GSK3B: variants seen among roughly 807,000 people sequenced by gnomAD.
GSK3B encodes glycogen synthase kinase-3 beta.
Under a neutral mutation model 56.4 loss-of-function variants are expected in GSK3B, and 15 were observed. The ratio of observed to expected loss-of-function variants is 0.27; its 90% confidence interval spans 0.18 to 0.41. The LOEUF (loss-of-function observed/expected upper bound fraction) is 0.41. Among genes scored for constraint, GSK3B ranks in the 10% least tolerant of loss-of-function variants. The pLI, the probability that GSK3B is intolerant of heterozygous loss-of-function variation, is 1.00. For synonymous variants in GSK3B, 181 were observed against 188.9 expected (o/e 0.96, Z 0.34); for missense variants, 300 against 513.4 (o/e 0.58, Z 4.02).
intron 2 of GSK3B, among the ~76,000 whole-genome samples, chr3:119,994,897 T>C (rs1016349178): frequency 6.6e-6 from 1 of 152,198 alleles, no homozygotes; most frequent in East Asian, 1.9e-4. Context: ...AATAGTATTG[T>C]ATAATTGTTA....
At chr3:120,085,190 G>A (rs979405221) in intron 1 of GSK3B, among the ~76,000 whole-genome samples, 13 of 151,966 alleles carry the variant, frequency 8.6e-5, no homozygotes, top group Non-Finnish European at 1.6e-4. Flanking sequence ...CTGGCACACC[G>A]CACTCAATAA....
intron 5 of GSK3B, among the ~76,000 whole-genome samples, chr3:119,915,499 C>T (rs1214703434): frequency 1.3e-5 from 2 of 151,968 alleles, no homozygotes; most frequent in Non-Finnish European, 2.9e-5. Context: ...GGATTACGTA[C>T]CATTTCAGAA....
chr3:120,002,270 G>C, intron 1 of GSK3B, 31 bp from the exon 2 acceptor site: 1 of 1,368,564 alleles, frequency 7.3e-7, no homozygotes, highest in Middle Eastern at 1.9e-4. Flanking sequence ...TTTTTTTCAC[G>C]AGAACTGTAA....
At chr3:119,888,033 G>T (rs1236076363) in intron 7 of GSK3B, among the ~76,000 whole-genome samples, 1 of 152,016 alleles carries the variant, frequency 6.6e-6, no homozygotes, top group African/African-American at 2.4e-5. Context: ...ACATTTTTAG[G>T]CAAACAAAAG....
chr3:119,980,619 G>A (rs2057451009), intron 2 of GSK3B, among the ~76,000 whole-genome samples: 2 of 152,154 alleles, frequency 1.3e-5, no homozygotes, highest in African/African-American at 4.8e-5. Context: ...CTCCCAAAGT[G>A]CTGGCATTAC....
Position 119,843,372 on chromosome 3 carries a change from C to A in GSK3B, c.1097-19G>T, listed in dbSNP as rs1191979103. On this transcript the variant is annotated intron_variant, in intron 9 of 10. Transcript: ENST00000264235. Reference sequence around the variant, plus strand: ...GACAGTTCTATAGAAGGTTAAGACACAAATGTTAGAGTCCACTCTTAACTT... The same window carrying A: ...GACAGTTCTATAGAAGGTTAAGACAAAAATGTTAGAGTCCACTCTTAACTT... The A allele has an allele frequency of 7.3e-7, 1 of 1,370,616 alleles. No homozygotes were observed. Among genetic ancestry groups the A allele is most frequent in the African/African-American group, 1.4e-5 (1 of 69,866 alleles). 84.9% of individuals were successfully genotyped at this position (1,370,616 alleles called of 1,614,324 possible).
intron 1 of GSK3B, among the ~76,000 whole-genome samples, chr3:120,069,666 A>T (rs1011562781): frequency 2.6e-5 from 1 of 38,988 alleles, no homozygotes; most frequent in Non-Finnish European, 4.0e-5. Flanking sequence ...CAGTTTTTGG[A>T]AAAAAAAAAA....
intron 10 of GSK3B, among the ~76,000 whole-genome samples, chr3:119,830,265 C>T (rs2055577926): frequency 6.6e-6 from 1 of 152,124 alleles, no homozygotes; most frequent in South Asian, 2.1e-4. Flanking sequence ...GATCAGGAAA[C>T]AAGACAACAC....
At chr3:120,089,487 C>G (rs968700089) in intron 1 of GSK3B, among the ~76,000 whole-genome samples, 3 of 152,102 alleles carry the variant, frequency 2.0e-5, no homozygotes, top group African/African-American at 7.2e-5. Flanking sequence ...CAGGGGAATA[C>G]GGAAACTCTA....
chr3:120,021,214 A>C (rs1394622100), intron 1 of GSK3B, among the ~76,000 whole-genome samples: 1 of 152,172 alleles, frequency 6.6e-6, no homozygotes, highest in Admixed American at 6.5e-5. Flanking sequence ...CATTAAGAAT[A>C]TTCATGATTC....
At chr3:119,997,640 CTGA>C (rs573998950) in intron 2 of GSK3B, among the ~76,000 whole-genome samples, 120 of 152,146 alleles carry the variant, frequency 7.9e-4, no homozygotes, top group Middle Eastern at 3.4e-3. Context: ...ACATCACAGG[CTGA>C]TGATATTTGA....
intron 7 of GSK3B, among the ~76,000 whole-genome samples, chr3:119,898,641 G>T (rs1403648871): frequency 1.3e-5 from 2 of 152,084 alleles, no homozygotes; most frequent in Admixed American, 6.6e-5. Flanking sequence ...AGCTACAGAT[G>T]AATCAGATGG....
intron 1 of GSK3B, among the ~76,000 whole-genome samples, chr3:120,092,350 A>C (rs1226522145): frequency 1.3e-5 from 2 of 152,220 alleles, no homozygotes; most frequent in African/African-American, 4.8e-5. Context: ...CAAAATGGAA[A>C]GGACTAAATC....
chr3:120,090,016 A>G (rs2058497324), intron 1 of GSK3B, among the ~76,000 whole-genome samples: 1 of 152,134 alleles, frequency 6.6e-6, no homozygotes, highest in South Asian at 2.1e-4. Context: ...AAGGCTCTCA[A>G]TACTTTATTC....
chr3:120,093,490 C>T lies in GSK3B; in HGVS notation c.-56G>A, dbSNP rs1324950319. On this transcript the variant is annotated 5_prime_UTR_variant, in exon 1 of 11. Coordinates refer to ENST00000264235, the MANE Select transcript of GSK3B (RefSeq NM_001146156.2). ...TCCTTCCTCCTTTTCTTCCTTTTGT[C>T]TTTATGTTGGGGTGTTAGGTTAACG... 1.5e-5 allele frequency: 17 copies of T among 1,162,134 alleles called. No individual in the cohort carries two copies. Among genetic ancestry groups the T allele is most frequent in the South Asian group, 3.7e-5 (3 of 81,830 alleles). 72.0% of individuals were successfully genotyped at this position (1,162,134 alleles called of 1,614,324 possible).
chr3:119,871,127 A>G (rs941960778), intron 8 of GSK3B, among the ~76,000 whole-genome samples: 1 of 152,220 alleles, frequency 6.6e-6, no homozygotes, highest in Non-Finnish European at 1.5e-5. Flanking sequence ...TTAAAAAGAA[A>G]TAAGTACAGT....
intron 6 of GSK3B, among the ~76,000 whole-genome samples, chr3:119,911,477 G>C (rs565706356): frequency 6.6e-6 from 1 of 152,114 alleles, no homozygotes; most frequent in African/African-American, 2.4e-5. Flanking sequence ...CCTCACAAGA[G>C]AGTCAACCTG....
intron 1 of GSK3B, chr3:120,029,181 C>A: frequency 1.5e-6 from 1 of 683,170 alleles, no homozygotes; most frequent in Non-Finnish European, 2.7e-6. Context: ...AAAAAAGAGA[C>A]TTCAGAAAGG....
At position 120,045,762 on chromosome 3, in the gene GSK3B, A is replaced by G. The variant is rs73854770; in HGVS notation, c.89-43523T>C. Among the ~76,000 whole-genome samples the G allele has an allele frequency of 7.4e-3, 1,127 of 152,320 alleles. 15 individuals are homozygous for G. The highest frequency in any genetic ancestry group is 0.025 in the African/African-American group (1,038 of 41,562). On this transcript the variant is annotated intron_variant, in intron 1 of 10. Transcript: ENST00000264235. ...CCAAGCATTTACTTCCAACATGTCT[A>G]CACAAAAAAGTGAACACAAATGTTT...
Sources: gnomAD v4.1 joint callset for allele counts (sites outside exome capture counted in the v4.1 genomes callset) on GRCh38, gnomAD v4.1.1 for gene constraint, MANE v1.5 for transcripts, NCBI Gene and HGNC (gene_info 2026-07-23, HGNC 2026-07-21) for gene names.